The following DENND1A variants were observed in gnomAD, a reference collection of about 807,000 sequenced individuals.
DENND1A encodes DENN domain containing 1A.
In DENND1A, 51 loss-of-function variants were observed where a neutral mutation model predicts 113.7. The ratio of observed to expected loss-of-function variants is 0.45; its 90% CI spans 0.36 to 0.57. DENND1A has a LOEUF of 0.57. Ranked by LOEUF, DENND1A falls within the 20% of genes least tolerant of loss-of-function variation. DENND1A has a pLI of 0.00. For synonymous variants in DENND1A, 565 were observed against 570.8 expected (o/e 0.99, Z 0.14); for missense variants, 1,258 against 1,395.9 (o/e 0.90, Z 1.57).
chr9:123,424,354 T>C (rs1309236451), intron 19 of DENND1A, among the ~76,000 whole-genome samples: 1 of 152,176 alleles, frequency 6.6e-6, no homozygotes, highest in Non-Finnish European at 1.5e-5. Context: ...ATGATCAGCT[T>C]CAACAGTTCC....
At chr9:123,885,708 T>C (rs1848965854) in intron 1 of DENND1A, among the ~76,000 whole-genome samples, 1 of 152,198 alleles carries the variant, frequency 6.6e-6, no homozygotes, top group African/African-American at 2.4e-5. Context: ...AATAGAGCAT[T>C]TCTATTCAAG....
chr9:123,924,282 A>T (rs1856731051), intron 1 of DENND1A, among the ~76,000 whole-genome samples: 1 of 152,218 alleles, frequency 6.6e-6, no homozygotes, highest in South Asian at 2.1e-4. Flanking sequence ...GGAGTGTCTA[A>T]CAGGCATGGG....
chr9:123,434,199 G>A (rs1285334416), intron 19 of DENND1A, among the ~76,000 whole-genome samples: 1 of 152,096 alleles, frequency 6.6e-6, no homozygotes, highest in African/African-American at 2.4e-5. Flanking sequence ...GCTAATTTTT[G>A]TATTTTTAGT....
At chr9:123,603,028 C>T (rs2060000382) in intron 11 of DENND1A, among the ~76,000 whole-genome samples, 1 of 152,200 alleles carries the variant, frequency 6.6e-6, no homozygotes, top group South Asian at 2.1e-4. Context: ...CAGAATTTTG[C>T]ATCAATTGCA....
chr9:123,454,168 G>C (rs1168767520), intron 16 of DENND1A, among the ~76,000 whole-genome samples: 2 of 152,202 alleles, frequency 1.3e-5, no homozygotes, highest in African/African-American at 4.8e-5. Flanking sequence ...CCTGCTCCCT[G>C]CTGCATCCCC....
At chr9:123,424,387 G>A (rs899689423) in intron 19 of DENND1A, among the ~76,000 whole-genome samples, 15 of 152,142 alleles carry the variant, frequency 9.9e-5, no homozygotes, top group African/African-American at 2.7e-4. Context: ...CCGGCTGCCC[G>A]CCAAGTTGTG....
At chr9:123,909,367 C>A (rs1427874640) in intron 1 of DENND1A, among the ~76,000 whole-genome samples, 3 of 142,086 alleles carry the variant, frequency 2.1e-5, no homozygotes, top group African/African-American at 7.8e-5. Flanking sequence ...ATAAAAAAAA[C>A]AATAAAAAAA....
intron 1 of DENND1A, among the ~76,000 whole-genome samples, chr9:123,928,338 C>T (rs1166377292): frequency 6.6e-6 from 1 of 152,166 alleles, no homozygotes; most frequent in Non-Finnish European, 1.5e-5. Flanking sequence ...GGGTAAGTGT[C>T]CTCACGCATA....
At chr9:123,649,363 C>A (rs2062521470) in intron 9 of DENND1A, among the ~76,000 whole-genome samples, 1 of 152,174 alleles carries the variant, frequency 6.6e-6, no homozygotes, top group African/African-American at 2.4e-5. Flanking sequence ...TTTACCCCTA[C>A]ATTAATGAGT....
At chr9:123,647,914 C>A (rs2062426314) in intron 9 of DENND1A, among the ~76,000 whole-genome samples, 1 of 152,182 alleles carries the variant, frequency 6.6e-6, no homozygotes, top group African/African-American at 2.4e-5. Flanking sequence ...TGTATACCCA[C>A]AAAATTCCAC....
At chr9:123,560,353 C>T (rs932020850) in intron 12 of DENND1A, among the ~76,000 whole-genome samples, 1 of 152,130 alleles carries the variant, frequency 6.6e-6, no homozygotes, top group African/African-American at 2.4e-5. Context: ...TGATAAAGGG[C>T]GTGCCTCATG....
intron 3 of DENND1A, 152 bp from the exon 4 acceptor site, chr9:123,769,715 C>T (rs1191389511): frequency 9.3e-6 from 5 of 539,194 alleles, no homozygotes; most frequent in Middle Eastern, 3.4e-4. Flanking sequence ...GAGTACCAGG[C>T]AGTCAATCAT....
chr9:123,598,456 C>CAAAAAA (rs780473231), intron 11 of DENND1A, among the ~76,000 whole-genome samples: 9 of 59,380 alleles, frequency 1.5e-4, no homozygotes, highest in Admixed American at 2.1e-4. Context: ...TCACAAATCT[C>CAAAAAA]AAAAAAAAAA....
intron 13 of DENND1A, among the ~76,000 whole-genome samples, chr9:123,460,091 G>A (rs1158578491): frequency 6.6e-6 from 1 of 152,188 alleles, no homozygotes; most frequent in Non-Finnish European, 1.5e-5. Context: ...TCTAAGTTAA[G>A]TTACAAAATT....
intron 21 of DENND1A, among the ~76,000 whole-genome samples, chr9:123,399,652 C>T (rs756789971): frequency 1.3e-5 from 2 of 152,216 alleles, no homozygotes; most frequent in Middle Eastern, 3.2e-3. Context: ...TGAACAGATC[C>T]GGTTCCCAAC....
chr9:123,629,047 C>T (rs917686420), intron 10 of DENND1A, among the ~76,000 whole-genome samples: 31 of 152,298 alleles, frequency 2.0e-4, no homozygotes, highest in African/African-American at 5.1e-4. Context: ...GAGCCCAGCA[C>T]GTTCCAATTA....
intron 5 of DENND1A, among the ~76,000 whole-genome samples, chr9:123,678,018 G>A (rs1242101600): frequency 6.6e-6 from 1 of 152,028 alleles, no homozygotes; most frequent in African/African-American, 2.4e-5. Flanking sequence ...TAGTCTAGCT[G>A]ATTTCTACTC....
intron 12 of DENND1A, among the ~76,000 whole-genome samples, chr9:123,561,789 G>A (rs1019301192): frequency 3.7e-4 from 57 of 152,136 alleles, no homozygotes; most frequent in African/African-American, 1.3e-3. Flanking sequence ...TCCCCTCTGT[G>A]TGCCATCTTG....
At chr9:123,642,929 A>G (rs1013462659) in intron 9 of DENND1A, among the ~76,000 whole-genome samples, 2 of 152,218 alleles carry the variant, frequency 1.3e-5, no homozygotes, top group Admixed American at 6.5e-5. Flanking sequence ...GTTCGTCAGG[A>G]AAGTAGCAAA....
Sources: allele counts gnomAD v4.1 joint callset (sites outside exome capture counted in the v4.1 genomes callset), GRCh38; gene constraint gnomAD v4.1.1; transcripts MANE v1.5; gene names NCBI Gene and HGNC (gene_info 2026-07-23, HGNC 2026-07-21).